EPB41L2: variants seen among roughly 807,000 people sequenced by gnomAD.
EPB41L2 encodes band 4.1-like protein 2.
Under a neutral mutation model 113.0 loss-of-function variants are expected in EPB41L2, and 43 were observed. The observed-to-expected ratio is 0.38, with a 90% confidence interval of 0.30 to 0.49. The LOEUF is 0.49. Among genes scored for constraint, EPB41L2 ranks in the 20% least tolerant of loss-of-function variants. The probability of loss-of-function intolerance (pLI) is 0.95; values close to 1 mark genes in which losing one functional copy is unlikely to be tolerated. For synonymous variants in EPB41L2, 442 were observed against 436.7 expected, an observed-to-expected ratio of 1.01 and a Z score of -0.15; for missense variants, 1,147 against 1,223.4, an observed-to-expected ratio of 0.94 and a Z score of 0.93.
intron 1 of EPB41L2, among the ~76,000 whole-genome samples, chr6:131,021,852 G>T (rs1789588162): frequency 6.6e-6 from 1 of 152,146 alleles, no homozygotes; most frequent in Admixed American, 6.5e-5. Context: ...TCAAGCTCCA[G>T]TAGTGCTCAT....
At chr6:130,952,331 G>C (rs12661081) in intron 3 of EPB41L2, among the ~76,000 whole-genome samples, 8,598 of 93,954 alleles carry the variant, frequency 0.092, 414 homozygotes, top group South Asian at 0.15. Context: ...TCTTACACAA[G>C]GAAACATGTC....
intron 1 of EPB41L2, among the ~76,000 whole-genome samples, chr6:131,051,465 A>AAAAAC (rs770424797): frequency 6.7e-4 from 96 of 143,630 alleles, no homozygotes; most frequent in Non-Finnish European, 1.1e-3. Context: ...AAAAAAAAAA[A>AAAAAC]ACACACACAC....
chr6:131,047,495 G>A (rs1795691391), intron 1 of EPB41L2, among the ~76,000 whole-genome samples: 1 of 152,092 alleles, frequency 6.6e-6, no homozygotes, highest in African/African-American at 2.4e-5. Flanking sequence ...TTAATTGAAA[G>A]TACAAATTAA....
intron 1 of EPB41L2, among the ~76,000 whole-genome samples, chr6:130,997,205 T>A (rs1031594886): frequency 6.6e-6 from 1 of 152,214 alleles, no homozygotes; most frequent in African/African-American, 2.4e-5. Flanking sequence ...CTGGATTTTA[T>A]CACAGCAATT....
At chr6:130,850,293 A>C (rs1194322097) in intron 19 of EPB41L2, among the ~76,000 whole-genome samples, 1 of 152,134 alleles carries the variant, frequency 6.6e-6, no homozygotes, top group Non-Finnish European at 1.5e-5. Flanking sequence ...ACTTTTAAAC[A>C]TATTTGCCCT....
At chr6:130,976,141 A>G (rs540796615) in intron 1 of EPB41L2, among the ~76,000 whole-genome samples, 1 of 152,368 alleles carries the variant, frequency 6.6e-6, no homozygotes, top group Non-Finnish European at 1.5e-5. Context: ...AAACATGGAC[A>G]GGAGTTTCAT....
intron 1 of EPB41L2, among the ~76,000 whole-genome samples, chr6:130,986,236 A>C (rs999582339): frequency 2.6e-5 from 4 of 152,204 alleles, no homozygotes; most frequent in Admixed American, 1.3e-4. Flanking sequence ...CAATAGACAC[A>C]GAAAAAGCAT....
At chr6:130,998,075 T>C (rs1783552401) in intron 1 of EPB41L2, among the ~76,000 whole-genome samples, 1 of 152,220 alleles carries the variant, frequency 6.6e-6, no homozygotes, top group African/African-American at 2.4e-5. Context: ...TATCATTTCA[T>C]TTAATTTCTC....
chr6:130,919,880 TC>T (rs1802327006), intron 4 of EPB41L2, among the ~76,000 whole-genome samples: 1 of 152,178 alleles, frequency 6.6e-6, no homozygotes, highest in African/African-American at 2.4e-5. Context: ...CTTGGTTGGC[TC>T]CTTCTCTTGT....
chr6:130,963,131 GC>G (rs1240788680), intron 1 of EPB41L2, among the ~76,000 whole-genome samples: 1 of 152,158 alleles, frequency 6.6e-6, no homozygotes, highest in African/African-American at 2.4e-5. Flanking sequence ...GCCACACATG[GC>G]CCAGTCCTGT....
intron 3 of EPB41L2, among the ~76,000 whole-genome samples, chr6:130,929,064 T>A (rs1214176465): frequency 6.6e-6 from 1 of 152,204 alleles, no homozygotes; most frequent in Non-Finnish European, 1.5e-5. Flanking sequence ...CTTGATGAGA[T>A]CCTGATTGCA....
chr6:131,013,007 A>G (rs537658598), intron 1 of EPB41L2, among the ~76,000 whole-genome samples: 2 of 152,316 alleles, frequency 1.3e-5, no homozygotes, highest in Admixed American at 1.3e-4. Context: ...CCCGGTTCCA[A>G]CTATCTTCTA....
At position 131,041,720 on chromosome 6, in the gene EPB41L2, GAAA is replaced by G. The variant is rs367876426; in HGVS notation, c.-15+21432_-15+21434del. On this transcript the variant is annotated intron_variant, in intron 1 of 19. Transcript: ENST00000337057. ...AGTTTCAACAAATCAATTGAATATA[GAAA>G]AAACAACACAGTTTCAACAAATAAA... 9.6e-4 allele frequency among the ~76,000 whole-genome samples: 146 copies of G among 151,938 alleles called. No homozygotes were observed. In the Middle Eastern group the frequency reaches 0.01, roughly 11 times the overall value.
intron 14 of EPB41L2, among the ~76,000 whole-genome samples, chr6:130,874,923 T>C (rs903917075): frequency 2.0e-5 from 3 of 152,332 alleles, no homozygotes; most frequent in South Asian, 2.1e-4. Flanking sequence ...TACCATGTGA[T>C]TGCTTCTGAA....
At chr6:130,965,038 T>C (rs1774682216) in intron 1 of EPB41L2, among the ~76,000 whole-genome samples, 1 of 152,240 alleles carries the variant, frequency 6.6e-6, no homozygotes. Flanking sequence ...CACTACCTTT[T>C]GGGGCTTTAT....
intron 10 of EPB41L2, among the ~76,000 whole-genome samples, chr6:130,891,696 C>T (rs1426655735): frequency 2.0e-5 from 3 of 152,224 alleles, no homozygotes; most frequent in Non-Finnish European, 2.9e-5. Context: ...GATCCACCCG[C>T]CTCAGCCTCC....
chr6:130,998,410 A>G (rs1783633645), intron 1 of EPB41L2, among the ~76,000 whole-genome samples: 1 of 152,214 alleles, frequency 6.6e-6, no homozygotes, highest in Non-Finnish European at 1.5e-5. Context: ...ACCCAAGATC[A>G]ACCAAGTAAC....
intron 1 of EPB41L2, among the ~76,000 whole-genome samples, chr6:130,969,787 T>C (rs1463009810): frequency 6.6e-6 from 1 of 152,150 alleles, no homozygotes; most frequent in African/African-American, 2.4e-5. Context: ...AAAAAGAAAG[T>C]AACTGCACAC....
chr6:131,042,574 A>G (rs1794658116), intron 1 of EPB41L2, among the ~76,000 whole-genome samples: 1 of 152,154 alleles, frequency 6.6e-6, no homozygotes, highest in South Asian at 2.1e-4. Context: ...ACTATAGAAC[A>G]CATTTATTTA....
Sources: allele counts gnomAD v4.1 joint callset (sites outside exome capture counted in the v4.1 genomes callset), GRCh38; gene constraint gnomAD v4.1.1; transcripts MANE v1.5; gene names NCBI Gene and HGNC (gene_info 2026-07-23, HGNC 2026-07-21).